PPARGC1A: variants seen among roughly 807,000 people sequenced by gnomAD.
PPARGC1A encodes peroxisome proliferator-activated receptor gamma coactivator 1-alpha.
Under a neutral mutation model 88.7 loss-of-function variants are expected in PPARGC1A, and 25 were observed. The ratio of observed to expected loss-of-function variants is 0.28; its 90% CI spans 0.21 to 0.39. PPARGC1A has a LOEUF of 0.39. Among genes scored for constraint, PPARGC1A ranks in the 10% least tolerant of loss-of-function variants. PPARGC1A has a pLI of 1.00. For synonymous variants in PPARGC1A, 363 were observed against 355.6 expected (o/e 1.02, Z -0.24); for missense variants, 880 against 968.7 (o/e 0.91, Z 1.22).
the PPARGC1A span, among the ~76,000 whole-genome samples, chr4:24,296,743 C>T: frequency 2.0e-5 from 3 of 152,068 alleles, no homozygotes; most frequent in African/African-American, 4.8e-5. Flanking sequence ...TGTGCTAGGC[C>T]TTTATTACTC....
the PPARGC1A span, among the ~76,000 whole-genome samples, chr4:24,027,217 G>GTGTGTGTGTGTGTGTGTT: frequency 6.7e-6 from 1 of 148,728 alleles, no homozygotes; most frequent in African/African-American, 2.5e-5. Context: ...GTGTGTGTGT[G>GTGTGTGTGTGTGTGTGTT]TCTGTGTGTC....
chr4:24,291,925 G>C, the PPARGC1A span, among the ~76,000 whole-genome samples: 4 of 152,212 alleles, frequency 2.6e-5, no homozygotes. Flanking sequence ...TAGTAGCTGG[G>C]AGAAAATCAG....
chr4:24,096,482 C>T, the PPARGC1A span, among the ~76,000 whole-genome samples: 8 of 152,148 alleles, frequency 5.3e-5, no homozygotes, highest in Admixed American at 2.6e-4. Context: ...CAACACCATC[C>T]ACTTTGTAGT....
upstream of PPARGC1A, chr4:23,904,102 G>A (rs193057351): frequency 3.0e-5 from 28 of 944,418 alleles, no homozygotes; most frequent in Middle Eastern, 5.4e-4. Context: ...CAAGGGCTTC[G>A]GCAGGCCACT....
chr4:24,308,876 G>T, the PPARGC1A span, among the ~76,000 whole-genome samples: 4 of 152,124 alleles, frequency 2.6e-5, no homozygotes, highest in Admixed American at 2.6e-4. Context: ...TTAGTAATGG[G>T]ATGGGGGTAA....
chr4:23,808,287 T>A (rs1720241763), intron 10 of PPARGC1A, among the ~76,000 whole-genome samples: 1 of 149,514 alleles, frequency 6.7e-6, no homozygotes, highest in Non-Finnish European at 1.5e-5. Context: ...AATTGCACAA[T>A]TTTTTTCATT....
chr4:24,428,524 A>G, the PPARGC1A span, among the ~76,000 whole-genome samples: 1 of 152,236 alleles, frequency 6.6e-6, no homozygotes, highest in African/African-American at 2.4e-5. Flanking sequence ...AGAGCAAAAC[A>G]AAAGTTCACA....
At chr4:24,035,336 T>C in the PPARGC1A span, among the ~76,000 whole-genome samples, 16 of 151,992 alleles carry the variant, frequency 1.1e-4, no homozygotes, top group African/African-American at 3.9e-4. Flanking sequence ...GGTCAGGAGT[T>C]CGAGACCAGA....
intron 7 of PPARGC1A, among the ~76,000 whole-genome samples, chr4:23,818,560 G>T (rs1046829722): frequency 2.0e-5 from 3 of 151,968 alleles, no homozygotes; most frequent in African/African-American, 7.3e-5. Flanking sequence ...GCATTGAAAT[G>T]TGCTCCATAA....
At chr4:23,929,070 C>T in the PPARGC1A span, among the ~76,000 whole-genome samples, 3 of 151,964 alleles carry the variant, frequency 2.0e-5, no homozygotes, top group Non-Finnish European at 4.4e-5. Context: ...CAGCAAACCA[C>T]CATGGCACAC....
At chr4:24,137,402 G>A in the PPARGC1A span, among the ~76,000 whole-genome samples, 27 of 152,108 alleles carry the variant, frequency 1.8e-4, no homozygotes, top group South Asian at 1.0e-3. Flanking sequence ...ATGGTAGCCC[G>A]AGCAAACTAA....
chr4:24,091,062 C>T, the PPARGC1A span, among the ~76,000 whole-genome samples: 2 of 152,112 alleles, frequency 1.3e-5, no homozygotes, highest in African/African-American at 2.4e-5. Flanking sequence ...AAAACCAAGC[C>T]CCTATTCTAA....
chr4:24,409,587 T>C, the PPARGC1A span, among the ~76,000 whole-genome samples: 4 of 152,206 alleles, frequency 2.6e-5, no homozygotes, highest in African/African-American at 7.2e-5. Context: ...TATATCACTA[T>C]AGATCATCTA....
At chr4:24,323,826 C>T in the PPARGC1A span, among the ~76,000 whole-genome samples, 2 of 152,092 alleles carry the variant, frequency 1.3e-5, no homozygotes, top group African/African-American at 2.4e-5. Flanking sequence ...GTCCTCAGAC[C>T]GACCAGCCCA....
At chr4:23,802,676 CAAAAAAAAAAAA>C (rs397823520) in intron 10 of PPARGC1A, among the ~76,000 whole-genome samples, 1 of 26,130 alleles carries the variant, frequency 3.8e-5, no homozygotes, top group Admixed American at 3.6e-4. Flanking sequence ...GACTCCATCT[CAAAAAAAAAAAA>C]AAAAAAAAAA....
chr4:24,081,883 C>G, the PPARGC1A span, among the ~76,000 whole-genome samples: 1 of 151,992 alleles, frequency 6.6e-6, no homozygotes, highest in Non-Finnish European at 1.5e-5. Flanking sequence ...GGCTCTTAAC[C>G]TGTCAGCTCT....
chr4:24,362,041 G>T, the PPARGC1A span, among the ~76,000 whole-genome samples: 1 of 152,334 alleles, frequency 6.6e-6, no homozygotes, highest in Admixed American at 6.5e-5. Flanking sequence ...CTTAAGAAGA[G>T]CAAGACAAAA....
At chr4:23,818,839 CTTTTTTTTTTTTT>C (rs762478316) in intron 7 of PPARGC1A, among the ~76,000 whole-genome samples, 2 of 49,004 alleles carry the variant, frequency 4.1e-5, no homozygotes, top group African/African-American at 7.9e-5. Context: ...CCAATGGCAT[CTTTTTTTTTTTTT>C]TTTTTTTTTT....
the PPARGC1A span, among the ~76,000 whole-genome samples, chr4:24,305,684 T>C: frequency 6.6e-6 from 1 of 152,146 alleles, no homozygotes; most frequent in Admixed American, 6.5e-5. Flanking sequence ...TGGTGGCACA[T>C]GTCTGTAATC....
Sources: allele counts gnomAD v4.1 joint callset (sites outside exome capture counted in the v4.1 genomes callset), GRCh38; gene constraint gnomAD v4.1.1; transcripts MANE v1.5; gene names NCBI Gene and HGNC (gene_info 2026-07-23, HGNC 2026-07-21).